NOTCH3: variants seen among roughly 807,000 people sequenced by gnomAD.
The protein encoded by NOTCH3 is notch receptor 3.
In NOTCH3, 86 loss-of-function variants were observed where a neutral mutation model predicts 213.3. The ratio of observed to expected loss-of-function variants is 0.40; its 90% CI spans 0.34 to 0.48. NOTCH3 has a LOEUF of 0.48. NOTCH3 is among the 20% of genes least tolerant of loss of function. The pLI is 0.57. For synonymous variants in NOTCH3, 1,354 were observed against 1,355.9 expected (o/e 1.00, Z 0.03); for missense variants, 2,783 against 3,272.6 (o/e 0.85, Z 3.65).
chr19:15,182,608 C>CATTTATTT (rs537564207), intron 16 of NOTCH3, among the ~76,000 whole-genome samples: 2 of 151,140 alleles, frequency 1.3e-5, no homozygotes, highest in South Asian at 2.1e-4. Flanking sequence ...AGATTATATA[C>CATTTATTT]ATTTATTTAT....
chr19:15,190,438 A>G (rs548626540), intron 6 of NOTCH3, among the ~76,000 whole-genome samples: 2 of 151,970 alleles, frequency 1.3e-5, no homozygotes, highest in Admixed American at 1.3e-4. Context: ...ATGTTCTCTG[A>G]TCTTTGCCAC....
intron 1 of NOTCH3, 125 bp from the exon 2 acceptor site, chr19:15,197,703 T>G (rs1156432504): frequency 1.3e-5 from 8 of 598,050 alleles, no homozygotes; most frequent in African/African-American, 4.8e-5. Flanking sequence ...TCTCTGCGGG[T>G]GCAGGGAGTC....
chr19:15,197,738 C>G lies in NOTCH3; in HGVS notation c.119-160G>C, dbSNP rs940544338. ...CCCCCCATCCACAGTTCCCACGCCC[C>G]CCCCCCCCCCGCCCCAGCCCCAGCT... On this transcript the variant is annotated intron_variant, in intron 1 of 32. Coordinates refer to ENST00000263388, the MANE Select transcript of NOTCH3 (RefSeq NM_000435.3). Among the ~76,000 whole-genome samples the G allele has an allele frequency of 7.2e-5, 5 of 69,172 alleles. 1 individual carries two copies. Among genetic ancestry groups the G allele is most frequent in the African/African-American group, 1.9e-4 (5 of 26,838 alleles). The allele number at this position is 69,172 out of a possible 152,430, so 45.4% of individuals were successfully genotyped here. A position where few individuals can be genotyped will look rare whatever the true frequency, so the allele number is the denominator to read the frequency against.
At chr19:15,176,315 T>C (rs1227455359) in intron 24 of NOTCH3, among the ~76,000 whole-genome samples, 1 of 151,886 alleles carries the variant, frequency 6.6e-6, no homozygotes, top group African/African-American at 2.4e-5. Flanking sequence ...ATTACAGCCA[T>C]GTGCCACCAC....
intron 29 of NOTCH3, 69 bp from the exon 30 acceptor site, chr19:15,166,160 T>G: frequency 7.1e-7 from 1 of 1,410,550 alleles, no homozygotes; most frequent in Non-Finnish European, 1.0e-6. Flanking sequence ...TTATCAAGGG[T>G]ACCCCATTAG....
intron 10 of NOTCH3, 21 bp downstream of exon 10, chr19:15,187,860 A>G: frequency 6.5e-7 from 1 of 1,535,190 alleles, no homozygotes; most frequent in Non-Finnish European, 8.8e-7. Flanking sequence ...TTCTTGTCGG[A>G]CTGTCATTGG....
chr19:15,192,900 G>C (rs921913841), intron 2 of NOTCH3, among the ~76,000 whole-genome samples: 1 of 152,044 alleles, frequency 6.6e-6, no homozygotes, highest in Non-Finnish European at 1.5e-5. Flanking sequence ...GGGTGACAGA[G>C]TAAGACTCGG....
At chr19:15,182,180 A>T (rs1289293181) in intron 16 of NOTCH3, among the ~76,000 whole-genome samples, 1 of 152,136 alleles carries the variant, frequency 6.6e-6, no homozygotes, top group Non-Finnish European at 1.5e-5. Context: ...TGTAAAATAC[A>T]TACTGGGTTT....
rs2046719480 is a variant in NOTCH3, at chr19:15,170,170, C to T, written c.5115G>A (p.Lys1705=). 1 of 1,601,432 alleles carries T rather than the reference C, an allele frequency of 6.2e-7. No homozygotes were observed. The highest frequency in any genetic ancestry group is 8.5e-7 in the Non-Finnish European group (1 of 1,173,144). ...EPVGQDALGM[K]NMAKGESLMG... The stretch of plus-strand genomic sequence containing the variant: ...TCAGGCTCTCACCCTTGGCCATGTT[C>T]CTGGCGGACAATGGGAAGAGGGGAT... Residue 1705 remains lysine, a splice_region_variant and synonymous_variant, in exon 28 of 33, where the codon AAG becomes AAA. Coordinates refer to ENST00000263388, the MANE Select transcript of NOTCH3 (RefSeq NM_000435.3).
rs771486133 is a variant in NOTCH3, at chr19:15,167,258, G to A, written c.5353C>T (p.Arg1785Cys). The A allele has an allele frequency of 1.7e-5, 27 of 1,612,270 alleles. No individual in the cohort carries two copies. The highest frequency in any genetic ancestry group is 5.3e-5 in the African/African-American group (4 of 74,918). Residue 1785 changes from arginine (R) to cysteine (C), a missense_variant, in exon 29 of 33, where the codon CGT (arginine) becomes TGT (cysteine). Arg to Cys is a radical substitution (Grantham distance 180). Around this residue, in one of 6 missense-constraint regions of NOTCH3, gnomAD observed 636 missense variants for 801.8 expected, o/e 0.79. Transcript: ENST00000263388. The stretch of plus-strand genomic sequence containing the variant: ...GGGCACTGTCACTAACCTGGGCCAC[G>A]CACATTGACATCCATGCCATCAGCA... ...ADADGMDVNV[R>C]GPDGFTPLML...
At position 15,165,826 on chromosome 19, in the gene NOTCH3, C is replaced by A. The variant is rs781218286; in HGVS notation, c.5628G>T (p.Leu1876=). 1.9e-5 allele frequency: 30 copies of A among 1,613,578 alleles called. No individual in the cohort carries two copies. Among genetic ancestry groups the A allele is most frequent in the Non-Finnish European group, 2.5e-5 (29 of 1,180,044 alleles). ...NAQDHSGRTP[L]HTAVTADAQG... ...GGGCATCGGCTGTGACAGCTGTGTG[C>A]AGGGGAGTGCGGCCTGAGTGGTCCT... Residue 1876 remains leucine, a synonymous_variant, in exon 30 of 33, where the codon CTG becomes CTT. Coordinates refer to ENST00000263388, the MANE Select transcript of NOTCH3 (RefSeq NM_000435.3). This position sits in a 1 kb window ranked among gnomAD's most constrained non-coding sequence, Gnocchi z 4.7.
In NOTCH3 at chr19:15,161,651, C is replaced by G. The variant is rs1322708660; in HGVS notation, c.5977G>C (p.Asp1993His). ...GSYEAAKLLLDHFANREITDH... is the reference protein window; with the variant it reads ...GSYEAAKLLLHHFANREITDH... ...GTGATCTCACGGTTGGCAAAGTGGT[C>G]CAACAGCAGCTTGGCAGCCTCATAG... The change falls in exon 33 of 33, where the codon GAC becomes CAC. Residue 1993 changes from aspartate (D) to histidine (H), a missense_variant. By Grantham distance (81) the Asp-to-His change is moderately conservative. Coordinates refer to ENST00000263388, the MANE Select transcript of NOTCH3 (RefSeq NM_000435.3). 14 of 1,613,778 alleles carry G rather than the reference C, an allele frequency of 8.7e-6. No homozygotes were observed. Among genetic ancestry groups the G allele is most frequent in the Non-Finnish European group, 1.1e-5 (13 of 1,179,942 alleles).
At chr19:15,175,314 CCT>C (rs1331705315) in intron 24 of NOTCH3, among the ~76,000 whole-genome samples, 22,874 of 140,834 alleles carry the variant, frequency 0.16, 3,162 homozygotes, top group African/African-American at 0.35. Context: ...GTACGGATAA[CCT>C]GAGGTCAGGA....
rs1159936853 is a variant in NOTCH3, at chr19:15,177,763, G to A, written c.4165C>T (p.Arg1389Cys). 23 of 1,373,120 alleles carry A rather than the reference G, an allele frequency of 1.7e-5. No individual in the cohort carries two copies. The highest frequency in any genetic ancestry group is 2.1e-5 in the Non-Finnish European group (23 of 1,072,430). The allele number at this position is 1,373,120 out of a possible 1,614,324, so 85.1% of individuals were successfully genotyped here. The change falls in exon 24 of 33, where the codon CGC becomes TGC. Residue 1389 changes from arginine (R) to cysteine (C), a missense_variant. This residue lies in a region of NOTCH3 where 133 missense variants were observed against 201.9 expected (regional missense o/e 0.66). Transcript: ENST00000263388. ...CCGCGCTTGGCCTGGCAGGCGGCGC[G>A]CGGGCACCGCGGCTCCTCCGAGACC... ...PEVSEEPRCP[R>C]AACQAKRGDQ...
rs202157455 is a variant in NOTCH3, at chr19:15,160,659, G to T, written c.*3C>A. ...CCCCAAGATCTAAGAACTGACGAGC[G>T]TCTCAGGCCAACACTTGCCTCTTGG... On this transcript the variant is annotated 3_prime_UTR_variant, in exon 33 of 33. Transcript: ENST00000263388. 1.9e-6 allele frequency: 3 copies of T among 1,612,440 alleles called. No individual in the cohort carries two copies. The South Asian group carries it at 3.3e-5, about 18-fold the overall frequency.
intron 1 of NOTCH3, among the ~76,000 whole-genome samples, chr19:15,198,467 G>C (rs1198520741): frequency 6.6e-6 from 1 of 152,102 alleles, no homozygotes; most frequent in East Asian, 1.9e-4. Flanking sequence ...GAAATAGAAA[G>C]CGGCCAGGCA....
chr19:15,178,991 G>C, intron 22 of NOTCH3, 34 bp downstream of exon 22: 1 of 1,614,144 alleles, frequency 6.2e-7, no homozygotes, highest in South Asian at 1.1e-5. Context: ...AATGACAGGC[G>C]GGGTCCCAGG....
chr19:15,170,205 A>C (rs371599923), intron 27 of NOTCH3, 35 bp from the exon 28 acceptor site: 1 of 1,532,474 alleles, frequency 6.5e-7, no homozygotes. Context: ...TGTGAGGGGG[A>C]CACTAGAGGT....
At chr19:15,200,344 C>T (rs958568443) in intron 1 of NOTCH3, among the ~76,000 whole-genome samples, 1 of 150,958 alleles carries the variant, frequency 6.6e-6, no homozygotes, top group African/African-American at 2.4e-5. Flanking sequence ...CCCCACCCCC[C>T]GCCTGGCCCA....
Sources: gnomAD v4.1 joint callset for allele counts (sites outside exome capture counted in the v4.1 genomes callset) on GRCh38, gnomAD v4.1.1 for gene constraint, gnomAD v4.1.1 regional missense constraint, Gnocchi (gnomAD v3.1) non-coding constraint, MANE v1.5 for transcripts, NCBI Gene and HGNC (gene_info 2026-07-23, HGNC 2026-07-21) for gene names.